MEIOB: variants seen among roughly 807,000 people sequenced by gnomAD.
The protein encoded by MEIOB is meiosis-specific with OB domain-containing protein.
Under a neutral mutation model 53.1 loss-of-function variants are expected in MEIOB, and 50 were observed. The observed-to-expected ratio is 0.94, with a 90% CI of 0.75 to 1.19. The LOEUF (loss-of-function observed/expected upper bound fraction) is 1.19, where lower values mean the gene tolerates loss of function less well. Ranked by LOEUF, MEIOB falls within the 50% of genes most tolerant of loss-of-function variation. The pLI is 0.00. For missense variants in MEIOB, 551 were observed against 550.8 expected (o/e 1.00, Z 0.00); for synonymous variants, 192 against 182.5 (o/e 1.05, Z -0.42).
chr16:1,835,500 TGA>T (rs1898719173), intron 13 of MEIOB, among the ~76,000 whole-genome samples: 2 of 151,988 alleles, frequency 1.3e-5, no homozygotes, highest in African/African-American at 4.8e-5. Context: ...ATTTCAAGAC[TGA>T]GAGAAAAAAA....
chr16:1,841,048 C>G (rs192960887), intron 11 of MEIOB: 1 of 123,618 alleles, frequency 8.1e-6, no homozygotes, highest in Non-Finnish European at 1.6e-5. Flanking sequence ...CAGAGTTTCA[C>G]TCTTCTCGCC....
In MEIOB at chr16:1,839,410, C is replaced by T. The variant is rs1306566697; in HGVS notation, c.1063G>A (p.Ala355Thr). 3 of 1,612,834 alleles carry T rather than the reference C, an allele frequency of 1.9e-6. No homozygotes were observed. In the South Asian group the frequency reaches 3.3e-5, roughly 18 times the overall value. The change falls in exon 12 of 14, where the codon GCA (alanine) becomes ACA (threonine). Residue 355 changes from alanine (A) to threonine (T), a missense_variant. Ala to Thr is a moderately conservative substitution (Grantham distance 58). Transcript: ENST00000325962. ...CSSCGYIVNE[A>T]SNMCTTCNKN... ...TTGCAAGTTGTGCACATGTTAGATG[C>T]TTCATTTACAATATAACCACAGCTG...
At chr16:1,871,385 A>G (rs1365594508) in intron 1 of MEIOB, among the ~76,000 whole-genome samples, 1 of 97,642 alleles carries the variant, frequency 1.0e-5, no homozygotes, top group African/African-American at 3.9e-5. Context: ...ACGCCTGGCT[A>G]ATTTTTTGTA....
chr16:1,848,113 AT>A (rs61352250), intron 9 of MEIOB, among the ~76,000 whole-genome samples: 2 of 150,546 alleles, frequency 1.3e-5, no homozygotes, highest in Non-Finnish European at 3.0e-5. Context: ...ATGCCCAGCT[AT>A]TTTTTTTTAA....
At chr16:1,846,541 G>T (rs571212183) in intron 9 of MEIOB, among the ~76,000 whole-genome samples, 1 of 152,226 alleles carries the variant, frequency 6.6e-6, no homozygotes, top group East Asian at 1.9e-4. Context: ...CAAAGACATG[G>T]AACCAGCCCA....
intron 1 of MEIOB, among the ~76,000 whole-genome samples, chr16:1,870,252 G>C (rs1378477347): frequency 6.6e-6 from 1 of 152,210 alleles, no homozygotes; most frequent in African/African-American, 2.4e-5. Flanking sequence ...GTATTTTTAT[G>C]TATGTATTTC....
intron 1 of MEIOB, among the ~76,000 whole-genome samples, chr16:1,870,484 G>A (rs554309020): frequency 4.6e-5 from 7 of 152,334 alleles, no homozygotes; most frequent in Admixed American, 1.3e-4. Context: ...TGTGGAGTTA[G>A]TCAAATATGA....
chr16:1,848,829 C>T (rs887649232), intron 9 of MEIOB, among the ~76,000 whole-genome samples: 1 of 151,610 alleles, frequency 6.6e-6, no homozygotes, highest in Non-Finnish European at 1.5e-5. Flanking sequence ...CAGGCATGAG[C>T]CACTGCGCCT....
rs551551970 is a variant in MEIOB at position 1,855,667 on chromosome 16, G to A, written c.529-1467C>T. On this transcript the variant is annotated intron_variant, in intron 6 of 13. Coordinates refer to ENST00000325962, the MANE Select transcript of MEIOB (RefSeq NM_001163560.3). ...GCACTGTCTAGAATTTGGGGAAATC[G>A]CAAACAATTGAGCACTCCTTTGAAC... Among the ~76,000 whole-genome samples, 38 of 152,242 alleles carry A rather than the reference G, an allele frequency of 2.5e-4. No homozygotes were observed. In the East Asian group the frequency reaches 4.4e-3, roughly 18 times the overall value.
At chr16:1,845,146 C>T (rs1270375399) in intron 9 of MEIOB, among the ~76,000 whole-genome samples, 183 bp from the exon 10 acceptor site, 3 of 152,170 alleles carry the variant, frequency 2.0e-5, no homozygotes, top group Non-Finnish European at 4.4e-5. Context: ...ATGTACACCA[C>T]ATTACATCTA....
chr16:1,837,722 A>G, intron 13 of MEIOB, 62 bp downstream of exon 13: 1 of 858,656 alleles, frequency 1.2e-6, no homozygotes, highest in Non-Finnish European at 1.8e-6. Context: ...GGTTTTTCTT[A>G]TGGTTTGAAT....
chr16:1,848,042 G>A (rs1342878926), intron 9 of MEIOB, among the ~76,000 whole-genome samples: 2 of 151,972 alleles, frequency 1.3e-5, no homozygotes, highest in Non-Finnish European at 2.9e-5. Flanking sequence ...CTACCTCCAG[G>A]GTTCAAGCGG....
chr16:1,842,574 G>T (rs995454562), intron 10 of MEIOB, among the ~76,000 whole-genome samples: 1 of 128,282 alleles, frequency 7.8e-6, no homozygotes, highest in Non-Finnish European at 1.6e-5. Context: ...GGTGAGCCAA[G>T]ATGGCGCCAT....
chr16:1,845,246 G>A (rs1160587262), intron 9 of MEIOB, among the ~76,000 whole-genome samples: 1 of 152,176 alleles, frequency 6.6e-6, no homozygotes, highest in Non-Finnish European at 1.5e-5. Context: ...GGGACCGGGC[G>A]CAGTGGCTCA....
chr16:1,852,254 CTTTTTTTTTTTTT>C (rs56066518), intron 9 of MEIOB, among the ~76,000 whole-genome samples: 2 of 94,012 alleles, frequency 2.1e-5, no homozygotes, highest in Non-Finnish European at 3.9e-5. Flanking sequence ...TGGTTTTTCA[CTTTTTTTTTTTTT>C]TTTTTTTTTT....
chr16:1,862,357 C>T lies in MEIOB; in HGVS notation c.128-241G>A, dbSNP rs539283598. On this transcript the variant is annotated intron_variant, in intron 3 of 13. Coordinates refer to ENST00000325962, the MANE Select transcript of MEIOB (RefSeq NM_001163560.3). ...AAGCTGAAGTGGTAACAGGTTGCCC[C>T]CTTGCTCCCTTCCCTGGTGATCTGT... 1.1e-3 allele frequency among the ~76,000 whole-genome samples: 175 copies of T among 152,210 alleles called. 1 individual carries two copies. Among genetic ancestry groups the T allele is most frequent in the African/African-American group, 3.8e-3 (156 of 41,534 alleles).
At chr16:1,840,080 A>G (rs1287257673) in intron 11 of MEIOB, 1 of 152,216 alleles carries the variant, frequency 6.6e-6, no homozygotes, top group Non-Finnish European at 1.5e-5. Flanking sequence ...CAGGGAAACT[A>G]ATTCAAATTT....
chr16:1,853,203 C>A lies in MEIOB; in HGVS notation c.682+16G>T. 1 of 1,555,656 alleles carries A rather than the reference C, an allele frequency of 6.4e-7. No individual in the cohort carries two copies. The highest frequency in any genetic ancestry group is 8.7e-7 in the Non-Finnish European group (1 of 1,146,182). The stretch of plus-strand genomic sequence containing the variant: ...ATAAATGACAAATATTGGACACAAT[C>A]ATTGAATGATAATACCTGTTTCTCG... On this transcript the variant is annotated intron_variant, in intron 8 of 13. Coordinates refer to ENST00000325962, the MANE Select transcript of MEIOB (RefSeq NM_001163560.3).
chr16:1,848,544 CTT>C (rs749481002), intron 9 of MEIOB, among the ~76,000 whole-genome samples: 10 of 129,686 alleles, frequency 7.7e-5, no homozygotes, highest in Non-Finnish European at 1.5e-4. Flanking sequence ...TTTTTTTTTC[CTT>C]TTTTTTTTTT....
Sources: gnomAD v4.1 joint callset for allele counts (sites outside exome capture counted in the v4.1 genomes callset) on GRCh38, gnomAD v4.1.1 for gene constraint, MANE v1.5 for transcripts, NCBI Gene and HGNC (gene_info 2026-07-23, HGNC 2026-07-21) for gene names.